Variants in DCDC1 observed in about 807,000 individuals in gnomAD.
The protein encoded by DCDC1 is doublecortin domain-containing protein 1.
DCDC1 carries 200 observed loss-of-function variants against 178.3 expected under a neutral mutation model. That is an observed-to-expected ratio of 1.12 (90% CI 1.00 to 1.26). The LOEUF is 1.26. Among genes scored for constraint, DCDC1 ranks in the 50% most tolerant of loss-of-function variants. DCDC1 has a pLI of 0.00. For missense variants in DCDC1, 1,983 were observed against 1,749.2 expected (o/e 1.13, Z -2.38); for synonymous variants, 690 against 604.8 (o/e 1.14, Z -2.07).
intron 9 of DCDC1, among the ~76,000 whole-genome samples, chr11:31,203,889 T>G (rs2616791): frequency 5.9e-5 from 9 of 152,036 alleles, no homozygotes; most frequent in African/African-American, 2.2e-4. Flanking sequence ...ATAAAATGTA[T>G]GTCAGAAAAC....
chr11:30,999,157 A>G (rs372502884), intron 20 of DCDC1, among the ~76,000 whole-genome samples: 4 of 152,342 alleles, frequency 2.6e-5, no homozygotes, highest in East Asian at 3.9e-4. Flanking sequence ...CTAACGAGAC[A>G]CAACTACTGA....
chr11:31,344,940 C>A (rs1950738232), intron 1 of DCDC1, among the ~76,000 whole-genome samples: 2 of 152,178 alleles, frequency 1.3e-5, no homozygotes, highest in Admixed American at 1.3e-4. Flanking sequence ...AGGAACAACT[C>A]CACAATTCCT....
chr11:31,047,936 A>T (rs1256071311), intron 20 of DCDC1, among the ~76,000 whole-genome samples: 1 of 152,228 alleles, frequency 6.6e-6, no homozygotes, highest in Non-Finnish European at 1.5e-5. Flanking sequence ...TTTGCACTTT[A>T]TACTAATACT....
chr11:31,288,504 G>A (rs1946999170), intron 7 of DCDC1, among the ~76,000 whole-genome samples: 1 of 151,784 alleles, frequency 6.6e-6, no homozygotes. Flanking sequence ...AATTAAAATA[G>A]AGTCATTTCC....
At chr11:31,168,200 TTTGA>T (rs1379963958) in intron 9 of DCDC1, among the ~76,000 whole-genome samples, 1 of 152,198 alleles carries the variant, frequency 6.6e-6, no homozygotes, top group Non-Finnish European at 1.5e-5. Flanking sequence ...TTTAAACTCC[TTTGA>T]TTGTTATTTA....
intron 36 of DCDC1, among the ~76,000 whole-genome samples, chr11:30,889,915 C>A (rs1210415427): frequency 6.6e-6 from 1 of 152,110 alleles, no homozygotes; most frequent in African/African-American, 2.4e-5. Flanking sequence ...GAAGATAGAG[C>A]CTTTAAGGAG....
intron 8 of DCDC1, among the ~76,000 whole-genome samples, chr11:31,251,264 C>A (rs1944010361): frequency 6.6e-6 from 1 of 152,068 alleles, no homozygotes; most frequent in South Asian, 2.1e-4. Flanking sequence ...ACAGGGATAC[C>A]CATCTATAAT....
intron 20 of DCDC1, among the ~76,000 whole-genome samples, chr11:31,001,802 G>C (rs1002792666): frequency 1.3e-5 from 2 of 152,154 alleles, no homozygotes; most frequent in African/African-American, 4.8e-5. Flanking sequence ...TATATCAAAG[G>C]TACATTGAAG....
Position 31,014,209 on chromosome 11 carries a change from C to T in DCDC1, c.2591+50260G>A, listed in dbSNP as rs187042601. Among the ~76,000 whole-genome samples, 989 of 151,326 alleles carry T rather than the reference C, an allele frequency of 6.5e-3. 13 individuals are homozygous for T. The highest frequency in any genetic ancestry group is 0.023 in the African/African-American group (935 of 40,740). On this transcript the variant is annotated intron_variant, in intron 20 of 38. Coordinates refer to ENST00000684477, the MANE Select transcript of DCDC1 (RefSeq NM_001387274.1). Reference sequence around the variant, plus strand: ...TTGCTCGCTCTCACTCTCTCTTTCTCTCTCTCTCTTTCTCTTTTTCTCCCC... The same window carrying T: ...TTGCTCGCTCTCACTCTCTCTTTCTTTCTCTCTCTTTCTCTTTTTCTCCCC...
intron 9 of DCDC1, among the ~76,000 whole-genome samples, chr11:31,210,722 A>G (rs986863162): frequency 1.3e-5 from 2 of 151,920 alleles, no homozygotes; most frequent in African/African-American, 4.8e-5. Context: ...AAAAAAAAAA[A>G]AAAAGAAAGA....
At chr11:31,255,855 T>C (rs1243320577) in intron 8 of DCDC1, among the ~76,000 whole-genome samples, 1 of 152,216 alleles carries the variant, frequency 6.6e-6, no homozygotes, top group Non-Finnish European at 1.5e-5. Flanking sequence ...TTTTTTTCTT[T>C]TCTTTGCTCA....
At chr11:31,059,258 A>G (rs1955783293) in intron 20 of DCDC1, among the ~76,000 whole-genome samples, 1 of 152,146 alleles carries the variant, frequency 6.6e-6, no homozygotes, top group Non-Finnish European at 1.5e-5. Context: ...CAATTACATT[A>G]TTTGTTCACT....
chr11:31,223,060 T>C (rs1437709446), intron 9 of DCDC1, among the ~76,000 whole-genome samples: 1 of 152,146 alleles, frequency 6.6e-6, no homozygotes, highest in South Asian at 2.1e-4. Context: ...GATTCTGAAA[T>C]AGTTACATTG....
rs1956948324 is a variant in DCDC1 at position 31,077,675 on chromosome 11, G to C, written c.2298+190C>G. ...AAAATTATTTTTGACTTTAGAAAAT[G>C]TGTTTTAAAATTAAAAAAAAAAGTT... On this transcript the variant is annotated intron_variant, in intron 18 of 38. Transcript: ENST00000684477. Among the ~76,000 whole-genome samples the C allele has an allele frequency of 1.3e-5, 2 of 151,828 alleles. 1 individual carries two copies. Among genetic ancestry groups the C allele is most frequent in the African/African-American group, 4.8e-5 (2 of 41,310 alleles).
chr11:31,278,461 A>G (rs1233597301), intron 7 of DCDC1, among the ~76,000 whole-genome samples: 1 of 152,168 alleles, frequency 6.6e-6, no homozygotes. Flanking sequence ...AAACAAAAAA[A>G]GTCAAACTCA....
At chr11:31,285,073 T>C (rs1234115728) in intron 7 of DCDC1, among the ~76,000 whole-genome samples, 1 of 151,986 alleles carries the variant, frequency 6.6e-6, no homozygotes, top group African/African-American at 2.4e-5. Context: ...TTCTTTTTGC[T>C]TTTTTTAGAA....
chr11:31,211,012 A>G (rs1260596613), intron 9 of DCDC1, among the ~76,000 whole-genome samples: 1 of 152,144 alleles, frequency 6.6e-6, no homozygotes, highest in Non-Finnish European at 1.5e-5. Flanking sequence ...GAAGAAGGCT[A>G]TTTTGCAAGA....
At chr11:31,269,384 C>T (rs1347292136) in intron 7 of DCDC1, among the ~76,000 whole-genome samples, 1 of 148,832 alleles carries the variant, frequency 6.7e-6, no homozygotes, top group African/African-American at 2.5e-5. Flanking sequence ...TTGTTAATTC[C>T]TTTTTTTTTT....
chr11:31,012,880 T>A (rs2135131662), intron 20 of DCDC1, among the ~76,000 whole-genome samples: 1 of 152,200 alleles, frequency 6.6e-6, no homozygotes, highest in East Asian at 1.9e-4. Flanking sequence ...AATAAAAATA[T>A]TAGTGAATAA....
Sources: allele counts gnomAD v4.1 joint callset (sites outside exome capture counted in the v4.1 genomes callset), GRCh38; gene constraint gnomAD v4.1.1; transcripts MANE v1.5; gene names NCBI Gene and HGNC (gene_info 2026-07-23, HGNC 2026-07-21).